The following GALNT13 variants were observed in gnomAD, a reference collection of about 807,000 sequenced individuals.
GALNT13 encodes the protein polypeptide N-acetylgalactosaminyltransferase 13.
GALNT13 carries 28 observed loss-of-function variants against 64.2 expected under a neutral mutation model. The observed-to-expected ratio is 0.44, with a 90% CI of 0.32 to 0.60. The LOEUF is 0.60. Ranked by LOEUF, GALNT13 falls within the 20% of genes least tolerant of loss-of-function variation. GALNT13 has a pLI of 0.05. For synonymous variants in GALNT13, 214 were observed against 224.6 expected (o/e 0.95, Z 0.42); for missense variants, 577 against 669.8 (o/e 0.86, Z 1.53).
At chr2:154,241,893 G>T (rs1010681092) in intron 4 of GALNT13, 137 bp from the exon 5 acceptor site, 10 of 490,222 alleles carry the variant, frequency 2.0e-5, no homozygotes, top group East Asian at 9.8e-5. Context: ...AAAGGGAAAT[G>T]ATTTTAGATA....
chr2:153,670,658 C>T, the GALNT13 span, among the ~76,000 whole-genome samples: 4 of 152,194 alleles, frequency 2.6e-5, no homozygotes, highest in South Asian at 4.1e-4. Flanking sequence ...CAAAGGAACA[C>T]AGCTCCTCAC....
Position 154,439,016 on chromosome 2 carries a change from G to T in GALNT13, c.1530+290G>T, listed in dbSNP as rs1240488205. Among the ~76,000 whole-genome samples, 5 of 152,104 alleles carry T rather than the reference G, an allele frequency of 3.3e-5. No individual in the cohort carries two copies. The East Asian group carries it at 9.6e-4, about 29-fold the overall frequency. On this transcript the variant is annotated intron_variant, in intron 12 of 12. Transcript: ENST00000392825. ...ATAAATTAGGCAAGAGGTAAGCTAAGCCTATCTGAGAGGTTTGTATGAAGA... is the reference window on the plus strand; with the variant it reads ...ATAAATTAGGCAAGAGGTAAGCTAATCCTATCTGAGAGGTTTGTATGAAGA...
chr2:154,064,424 A>C (rs1188844753), intron 3 of GALNT13, among the ~76,000 whole-genome samples: 1 of 151,738 alleles, frequency 6.6e-6, no homozygotes, highest in Non-Finnish European at 1.5e-5. Flanking sequence ...TGCTTGCACC[A>C]CTCCTTTCAT....
chr2:154,140,353 C>T lies in GALNT13; in HGVS notation c.159C>T (p.Asn53=). ...GTCTTACAGCTGTTATTTCAAGAAA[C>T]CAAGAAGGGCCAGGAGAAATGGGAA... ...LPALRAVISR[N]QEGPGEMGKA... is the part of the protein sequence containing the mutation. Residue 53 remains asparagine (N), a synonymous_variant, in exon 4 of 13, where the codon AAC becomes AAT. Coordinates refer to ENST00000392825, the MANE Select transcript of GALNT13 (RefSeq NM_052917.4). 1 of 1,612,226 alleles carries T rather than the reference C, an allele frequency of 6.2e-7. No homozygotes were observed. The highest frequency in any genetic ancestry group is 8.5e-7 in the Non-Finnish European group (1 of 1,178,834).
chr2:153,291,905 C>T, the GALNT13 span, among the ~76,000 whole-genome samples: 8 of 152,188 alleles, frequency 5.3e-5, no homozygotes, highest in East Asian at 1.9e-4. Context: ...TTTGCATGCA[C>T]GTGCAGTGGT....
chr2:153,998,142 C>A (rs1695649003), intron 3 of GALNT13, among the ~76,000 whole-genome samples: 1 of 152,008 alleles, frequency 6.6e-6, no homozygotes, highest in Admixed American at 6.6e-5. Flanking sequence ...GATTTATAAT[C>A]TTTTGGGTAT....
chr2:153,161,655 G>A, the GALNT13 span, among the ~76,000 whole-genome samples: 1 of 152,010 alleles, frequency 6.6e-6, no homozygotes, highest in Non-Finnish European at 1.5e-5. Flanking sequence ...AATGCGTCTG[G>A]TGTGAGAGAA....
At chr2:153,329,621 G>C in the GALNT13 span, among the ~76,000 whole-genome samples, 425 of 152,132 alleles carry the variant, frequency 2.8e-3, no homozygotes, top group Middle Eastern at 6.8e-3. Flanking sequence ...TTTAATTATG[G>C]GCATTTGGTT....
chr2:153,606,207 A>G, the GALNT13 span, among the ~76,000 whole-genome samples: 5,658 of 152,176 alleles, frequency 0.037, 134 homozygotes, highest in Middle Eastern at 0.058. Context: ...GTATGTATGT[A>G]TGTATATATA....
chr2:153,504,133 T>A, the GALNT13 span, among the ~76,000 whole-genome samples: 7 of 152,216 alleles, frequency 4.6e-5, no homozygotes, highest in African/African-American at 1.7e-4. Flanking sequence ...CTAAGTATTT[T>A]ATTTTTTGCT....
Position 154,106,607 on chromosome 2 carries a change from A to G in GALNT13, c.143-33730A>G, listed in dbSNP as rs149281663. ...ATAGATTATTACAGATTTATTATAG[A>G]TTATTATAGATTTATAGATTATTAT... On this transcript the variant is annotated intron_variant, in intron 3 of 12. Transcript: ENST00000392825. 2.4e-3 allele frequency among the ~76,000 whole-genome samples: 367 copies of G among 151,950 alleles called. 8 individuals are homozygous for G. In the East Asian group the frequency reaches 0.055, roughly 23 times the overall value.
chr2:153,982,290 T>C (rs1380433188), intron 3 of GALNT13, among the ~76,000 whole-genome samples: 1 of 152,130 alleles, frequency 6.6e-6, no homozygotes, highest in Admixed American at 6.6e-5. Flanking sequence ...TGGCTCATCT[T>C]AGTAAGTAAA....
chr2:153,582,469 A>G, the GALNT13 span, among the ~76,000 whole-genome samples: 1 of 152,184 alleles, frequency 6.6e-6, no homozygotes, highest in African/African-American at 2.4e-5. Flanking sequence ...TTCCGGTTAT[A>G]CAGCAATTCA....
chr2:153,150,697 C>G, the GALNT13 span, among the ~76,000 whole-genome samples: 1 of 152,048 alleles, frequency 6.6e-6, no homozygotes, highest in Non-Finnish European at 1.5e-5. Flanking sequence ...ATATGGCTAG[C>G]CAGTTTTCCC....
the GALNT13 span, among the ~76,000 whole-genome samples, chr2:153,498,617 G>C: frequency 1.3e-5 from 2 of 152,198 alleles, no homozygotes; most frequent in African/African-American, 2.4e-5. Flanking sequence ...ACCCACATCT[G>C]GACAAGGGGA....
chr2:154,442,154 A>AT (rs1010483577), intron 12 of GALNT13, among the ~76,000 whole-genome samples: 5 of 152,102 alleles, frequency 3.3e-5, no homozygotes, highest in African/African-American at 9.7e-5. Context: ...AAAATTTCTC[A>AT]TTTTTTTAAT....
chr2:154,319,005 G>T (rs1037971843), intron 9 of GALNT13, among the ~76,000 whole-genome samples: 2 of 152,066 alleles, frequency 1.3e-5, no homozygotes, highest in African/African-American at 4.8e-5. Context: ...TACTGGTAAA[G>T]TTCAAAATGA....
upstream of GALNT13, chr2:153,871,811 C>T (rs1416593700): frequency 6.6e-6 from 1 of 150,944 alleles, no homozygotes; most frequent in Non-Finnish European, 1.5e-5. Flanking sequence ...TGATACTAGC[C>T]CAGTGAGAGG....
chr2:153,961,409 A>G (rs1470802854), intron 3 of GALNT13, among the ~76,000 whole-genome samples: 2 of 152,216 alleles, frequency 1.3e-5, no homozygotes, highest in Non-Finnish European at 2.9e-5. Flanking sequence ...CAAATACTTA[A>G]TAAGTTATTA....
Sources: allele counts gnomAD v4.1 joint callset (sites outside exome capture counted in the v4.1 genomes callset), GRCh38; gene constraint gnomAD v4.1.1; transcripts MANE v1.5; gene names NCBI Gene and HGNC (gene_info 2026-07-23, HGNC 2026-07-21).